CPLANE1: variants seen among roughly 807,000 people sequenced by gnomAD.
CPLANE1 encodes the protein ciliogenesis and planar polarity effector complex subunit 1.
In CPLANE1, 263 loss-of-function variants were observed where a neutral mutation model predicts 362.5. That is an observed-to-expected ratio of 0.73 (90% CI 0.66 to 0.80). The LOEUF (loss-of-function observed/expected upper bound fraction) is 0.80. Among genes scored for constraint, CPLANE1 ranks in the 30% least tolerant of loss-of-function variants. The pLI is 0.00. For synonymous variants in CPLANE1, 1,212 were observed against 1,302.6 expected, an observed-to-expected ratio of 0.93 and a Z score of 1.50; for missense variants, 3,461 against 3,793.4, an observed-to-expected ratio of 0.91 and a Z score of 2.30.
chr5:37,175,606 G>A (rs990571324), intron 31 of CPLANE1, among the ~76,000 whole-genome samples: 2 of 152,178 alleles, frequency 1.3e-5, no homozygotes, highest in Admixed American at 1.3e-4. Flanking sequence ...AAATCAGTTA[G>A]AAGCTGAAAA....
chr5:37,181,798 A>C (rs1253697597), intron 26 of CPLANE1, among the ~76,000 whole-genome samples: 1 of 142,868 alleles, frequency 7.0e-6, no homozygotes, highest in African/African-American at 2.6e-5. Context: ...CTGGGTGATA[A>C]AGCAAGACTC....
rs545002359 is a variant in CPLANE1, at chr5:37,113,902, T to G, written c.9400+1058A>C. 2.6e-4 allele frequency among the ~76,000 whole-genome samples: 39 copies of G among 152,322 alleles called. 1 individual carries two copies. The South Asian group carries it at 8.1e-3, about 32-fold the overall frequency. On this transcript the variant is annotated intron_variant, in intron 51 of 52. Coordinates refer to ENST00000651892, the MANE Select transcript of CPLANE1 (RefSeq NM_001384732.1). ...ATTTCGGCTCACTGCAACCTCCGCC[T>G]GCTGGGTTCAAGTGATTCTCCTGCC...
chr5:37,216,177 A>T (rs1794045892), intron 15 of CPLANE1, among the ~76,000 whole-genome samples: 1 of 152,194 alleles, frequency 6.6e-6, no homozygotes, highest in East Asian at 1.9e-4. Flanking sequence ...AGATCTGAGA[A>T]TCTTAATATA....
intron 32 of CPLANE1, among the ~76,000 whole-genome samples, chr5:37,171,313 C>T (rs1428161861): frequency 6.6e-6 from 1 of 152,190 alleles, no homozygotes; most frequent in Non-Finnish European, 1.5e-5. Context: ...TACAGAAGTT[C>T]ACAAACTTCG....
chr5:37,181,678 A>G (rs1782690388), intron 26 of CPLANE1, among the ~76,000 whole-genome samples: 2 of 152,070 alleles, frequency 1.3e-5, no homozygotes, highest in African/African-American at 4.8e-5. Context: ...AGTCAGGCAT[A>G]GTGGCATGAG....
At chr5:37,114,918 T>C in intron 51 of CPLANE1, 42 bp downstream of exon 51, 1 of 1,195,650 alleles carries the variant, frequency 8.4e-7, no homozygotes, top group Non-Finnish European at 1.2e-6. Flanking sequence ...AAAAAGAAAA[T>C]TCAGTATTAA....
chr5:37,213,109 G>C (rs1467190303), intron 16 of CPLANE1, among the ~76,000 whole-genome samples: 2 of 152,186 alleles, frequency 1.3e-5, no homozygotes, highest in Non-Finnish European at 2.9e-5. Context: ...TTGGGAGGTT[G>C]AGGCAGGAAA....
At chr5:37,132,616 G>C (rs1194940488) in intron 46 of CPLANE1, among the ~76,000 whole-genome samples, 1 of 152,092 alleles carries the variant, frequency 6.6e-6, no homozygotes, top group Non-Finnish European at 1.5e-5. Context: ...AAAGTGCTGG[G>C]ATTACAGGCG....
At chr5:37,171,592 T>C (rs1430673864) in intron 32 of CPLANE1, among the ~76,000 whole-genome samples, 2 of 152,190 alleles carry the variant, frequency 1.3e-5, no homozygotes, top group African/African-American at 4.8e-5. Context: ...AGGGAAATAG[T>C]GCAGGTTTTA....
Position 37,182,756 on chromosome 5 carries a change from T to C in CPLANE1, c.5421+4A>G. The C allele has an allele frequency of 6.4e-7, 1 of 1,562,946 alleles. No individual in the cohort carries two copies. Among genetic ancestry groups the C allele is most frequent in the Non-Finnish European group, 8.8e-7 (1 of 1,141,236 alleles). ...TGTAAGTAATAAACAATTGATATGC[T>C]TACCTTAATAATGGCATTTTTTGCC... On this transcript the variant is annotated splice_donor_region_variant and intron_variant, in intron 26 of 52. Transcript: ENST00000651892.
intron 50 of CPLANE1, among the ~76,000 whole-genome samples, chr5:37,115,729 T>C (rs1394819716): frequency 6.6e-6 from 1 of 151,296 alleles, no homozygotes; most frequent in Non-Finnish European, 1.5e-5. Context: ...CCCGAGCAGC[T>C]GGGACTACAG....
intron 26 of CPLANE1, among the ~76,000 whole-genome samples, chr5:37,181,649 T>C (rs1283453678): frequency 6.6e-6 from 1 of 152,068 alleles, no homozygotes; most frequent in African/African-American, 2.4e-5. Flanking sequence ...ACCCTGTCTT[T>C]ATAAAAAATT....
intron 43 of CPLANE1, among the ~76,000 whole-genome samples, chr5:37,147,118 T>C (rs1446973359): frequency 6.6e-6 from 1 of 151,876 alleles, no homozygotes; most frequent in African/African-American, 2.4e-5. Flanking sequence ...TCAGAAAAAA[T>C]ACAAAAAATC....
intron 6 of CPLANE1, 54 bp from the exon 7 acceptor site, chr5:37,239,923 A>G: frequency 1.3e-5 from 16 of 1,263,976 alleles, no homozygotes; most frequent in Non-Finnish European, 1.7e-5. Context: ...TTTTAAATTT[A>G]TATGTAGTTC....
At chr5:37,112,614 A>G (rs769661706) in intron 51 of CPLANE1, among the ~76,000 whole-genome samples, 1 of 152,214 alleles carries the variant, frequency 6.6e-6, no homozygotes, top group Non-Finnish European at 1.5e-5. Context: ...CAGTTTCTTT[A>G]TAACATAACA....
chr5:37,186,210 A>T, intron 24 of CPLANE1, 76 bp downstream of exon 24: 2 of 794,310 alleles, frequency 2.5e-6, no homozygotes, highest in Non-Finnish European at 4.4e-6. Flanking sequence ...AAGCAACAGT[A>T]AATAAATATT....
At chr5:37,113,975 G>A (rs769656496) in intron 51 of CPLANE1, among the ~76,000 whole-genome samples, 3 of 152,180 alleles carry the variant, frequency 2.0e-5, no homozygotes, top group Non-Finnish European at 2.9e-5. Context: ...ACCACGCCCA[G>A]CTAATTTTTG....
In CPLANE1 at chr5:37,226,308, G is replaced by A; in HGVS notation, c.2287C>T (p.His763Tyr). Residue 763 changes from histidine (H) to tyrosine (Y), a missense_variant, in exon 12 of 53, where the codon CAC (histidine) becomes TAC (tyrosine). His to Tyr is a moderately conservative substitution (Grantham distance 83). Transcript: ENST00000651892. ...QVVNPVQQPG[H>Y]RLLILWRILY... The stretch of plus-strand genomic sequence containing the variant: ...TATTAAAATAAGTGATTATACCTGT[G>A]TCCTGGCTGTTGCACAGGATTTACT... The A allele has an allele frequency of 6.6e-7, 1 of 1,509,290 alleles. No homozygotes were observed. Among genetic ancestry groups the A allele is most frequent in the Non-Finnish European group, 8.8e-7 (1 of 1,131,620 alleles). 93.5% of individuals were successfully genotyped at this position (1,509,290 alleles called of 1,614,324 possible).
intron 21 of CPLANE1, among the ~76,000 whole-genome samples, chr5:37,191,598 G>T (rs1392570538): frequency 6.6e-6 from 1 of 152,132 alleles, no homozygotes; most frequent in Non-Finnish European, 1.5e-5. Flanking sequence ...CTGAACCCGG[G>T]AGGCAGAGGC....
Sources: gnomAD v4.1 joint callset for allele counts (sites outside exome capture counted in the v4.1 genomes callset) on GRCh38, gnomAD v4.1.1 for gene constraint, MANE v1.5 for transcripts, NCBI Gene and HGNC (gene_info 2026-07-23, HGNC 2026-07-21) for gene names.